Variants in MARCHF6 observed in about 807,000 individuals in gnomAD.
MARCHF6 encodes membrane associated ring-CH-type finger 6.
A neutral mutation model predicts 133.7 loss-of-function variants in MARCHF6; 31 were observed. The observed-to-expected ratio is 0.23, with a 90% CI of 0.17 to 0.31. The LOEUF is 0.31. Ranked by LOEUF, MARCHF6 falls within the 10% of genes least tolerant of loss-of-function variation. MARCHF6 has a pLI of 1.00. For synonymous variants in MARCHF6, 395 were observed against 402.5 expected (o/e 0.98, Z 0.22); for missense variants, 723 against 1,121.6 (o/e 0.64, Z 5.08).
At chr5:10,380,513 C>T (rs1737071132) in intron 3 of MARCHF6, among the ~76,000 whole-genome samples, 1 of 152,148 alleles carries the variant, frequency 6.6e-6, no homozygotes. Flanking sequence ...TTGATAGTTA[C>T]ATTCTCTATT....
intron 24 of MARCHF6, among the ~76,000 whole-genome samples, chr5:10,427,323 T>C (rs186056676): frequency 4.5e-4 from 68 of 152,334 alleles, no homozygotes; most frequent in African/African-American, 1.6e-3. Flanking sequence ...CTGGGCACAA[T>C]GACCTTTCAA....
chr5:10,381,253 G>C lies in MARCHF6; in HGVS notation c.191-547G>C, dbSNP rs76394363. On this transcript the variant is annotated intron_variant, in intron 3 of 25. Coordinates refer to ENST00000274140, the MANE Select transcript of MARCHF6 (RefSeq NM_005885.4). ...ATTTCTCAGAGTAGTGGGAAGATCT[G>C]AATTTATCATTTGAAATTTTAAGTA... 4.4e-3 allele frequency among the ~76,000 whole-genome samples: 666 copies of C among 152,306 alleles called. 3 individuals carry two copies. The highest frequency in any genetic ancestry group is 0.016 in the African/African-American group (651 of 41,566).
intron 1 of MARCHF6, among the ~76,000 whole-genome samples, chr5:10,362,859 G>A (rs1455474300): frequency 6.6e-6 from 1 of 151,920 alleles, no homozygotes; most frequent in Non-Finnish European, 1.5e-5. Flanking sequence ...TGGTAGTGTA[G>A]GATAGAGTCC....
chr5:10,354,516 T>C (rs968314121), intron 1 of MARCHF6: 4 of 152,220 alleles, frequency 2.6e-5, no homozygotes, highest in African/African-American at 9.6e-5. Context: ...TTTAAATCCT[T>C]GACACCTATA....
chr5:10,420,787 A>G (rs1739785094), intron 22 of MARCHF6, among the ~76,000 whole-genome samples: 1 of 152,210 alleles, frequency 6.6e-6, no homozygotes, highest in Admixed American at 6.5e-5. Context: ...TTACTGGCTA[A>G]CATGATTGGT....
chr5:10,401,086 G>T, intron 11 of MARCHF6: 1 of 390,568 alleles, frequency 2.6e-6, no homozygotes, highest in Non-Finnish European at 4.7e-6. Flanking sequence ...GGCATACCGT[G>T]GGAAAGTTTC....
intron 22 of MARCHF6, among the ~76,000 whole-genome samples, chr5:10,419,728 T>G (rs1169801285): frequency 6.6e-6 from 1 of 152,184 alleles, no homozygotes; most frequent in East Asian, 1.9e-4. Context: ...CAAGGATTGT[T>G]AATGGATGTT....
At chr5:10,374,329 C>T (rs1046775227) in intron 1 of MARCHF6, among the ~76,000 whole-genome samples, 1 of 152,186 alleles carries the variant, frequency 6.6e-6, no homozygotes, top group African/African-American at 2.4e-5. Context: ...AGTTAAAATG[C>T]TTGTTTTTGG....
At chr5:10,428,956 A>T (rs1459761688) in intron 24 of MARCHF6, among the ~76,000 whole-genome samples, 1 of 152,162 alleles carries the variant, frequency 6.6e-6, no homozygotes, top group East Asian at 1.9e-4. Flanking sequence ...CTTACATGTT[A>T]TTCTTAGGGT....
intron 5 of MARCHF6, among the ~76,000 whole-genome samples, chr5:10,387,459 T>A (rs1737552100): frequency 6.6e-6 from 1 of 151,936 alleles, no homozygotes; most frequent in Admixed American, 6.6e-5. Flanking sequence ...CTCGCCAGCA[T>A]GCCTGGCTAA....
At chr5:10,387,306 CTTT>C (rs1241488268) in intron 5 of MARCHF6, among the ~76,000 whole-genome samples, 3 of 139,762 alleles carry the variant, frequency 2.1e-5, no homozygotes, top group Non-Finnish European at 1.6e-5. Context: ...TTCTTTCTTT[CTTT>C]TTTTTTTTTT....
At chr5:10,389,660 C>G (rs1737700569) in intron 5 of MARCHF6, among the ~76,000 whole-genome samples, 1 of 152,142 alleles carries the variant, frequency 6.6e-6, no homozygotes, top group South Asian at 2.1e-4. Context: ...CCTTGGCCTC[C>G]CAAAGTGCTG....
intron 1 of MARCHF6, among the ~76,000 whole-genome samples, chr5:10,368,867 C>G (rs767837011): frequency 2.6e-5 from 4 of 152,200 alleles, no homozygotes; most frequent in Non-Finnish European, 5.9e-5. Context: ...GCCACCGTGC[C>G]CAGCCAGGAG....
At chr5:10,398,894 G>A (rs1388606547) in intron 10 of MARCHF6, among the ~76,000 whole-genome samples, 2 of 152,092 alleles carry the variant, frequency 1.3e-5, no homozygotes, top group South Asian at 4.1e-4. Context: ...TAATCATTGG[G>A]ATTAAACACC....
intron 5 of MARCHF6, among the ~76,000 whole-genome samples, chr5:10,387,820 C>T (rs1363483607): frequency 1.3e-5 from 2 of 152,026 alleles, no homozygotes; most frequent in Non-Finnish European, 2.9e-5. Flanking sequence ...GGCAGCAAGC[C>T]AGGCTAATAT....
At chr5:10,402,321 T>G (rs1738590056) in intron 12 of MARCHF6, 63 bp from the exon 13 acceptor site, 1 of 1,404,582 alleles carries the variant, frequency 7.1e-7, no homozygotes, top group Non-Finnish European at 1.0e-6. Flanking sequence ...AAATGTTGGC[T>G]AAGTAGTTAC....
At chr5:10,381,320 A>G (rs559695771) in intron 3 of MARCHF6, among the ~76,000 whole-genome samples, 99 of 152,296 alleles carry the variant, frequency 6.5e-4, no homozygotes, top group African/African-American at 2.4e-3. Context: ...TGTCAGTGGG[A>G]TGTTTGCTCC....
At chr5:10,425,942 A>C (rs1249992522) in intron 23 of MARCHF6, among the ~76,000 whole-genome samples, 1 of 152,210 alleles carries the variant, frequency 6.6e-6, no homozygotes, top group Non-Finnish European at 1.5e-5. Flanking sequence ...TGATTTATGC[A>C]AGCTTTTCAG....
At chr5:10,358,160 G>A (rs192202457) in intron 1 of MARCHF6, among the ~76,000 whole-genome samples, 3 of 152,246 alleles carry the variant, frequency 2.0e-5, no homozygotes, top group Non-Finnish European at 2.9e-5. Flanking sequence ...AGGGAACATA[G>A]CCTATGTGAA....
Sources: allele counts gnomAD v4.1 joint callset (sites outside exome capture counted in the v4.1 genomes callset), GRCh38; gene constraint gnomAD v4.1.1; transcripts MANE v1.5; gene names NCBI Gene and HGNC (gene_info 2026-07-23, HGNC 2026-07-21).